The following LHFPL2 variants were observed in gnomAD, a reference collection of about 807,000 sequenced individuals.
LHFPL2 encodes the protein LHFPL tetraspan subfamily member 2 protein.
A neutral mutation model predicts 17.5 loss-of-function variants in LHFPL2; 7 were observed. The ratio of observed to expected loss-of-function variants is 0.40; its 90% CI spans 0.23 to 0.75. The LOEUF (loss-of-function observed/expected upper bound fraction) is 0.75. Ranked by LOEUF, LHFPL2 falls within the 30% of genes least tolerant of loss-of-function variation. LHFPL2 has a pLI of 0.37. For missense variants in LHFPL2, 241 were observed against 294.8 expected (o/e 0.82, Z 1.34); for synonymous variants, 134 against 116.2 (o/e 1.15, Z -0.99).
intron 3 of LHFPL2, among the ~76,000 whole-genome samples, chr5:78,532,985 G>C (rs796251729): frequency 3.9e-5 from 6 of 152,334 alleles, no homozygotes; most frequent in African/African-American, 1.4e-4. Flanking sequence ...TCGTGCTGCA[G>C]ACTGGGCGGT....
intron 2 of LHFPL2, among the ~76,000 whole-genome samples, chr5:78,608,329 T>C (rs181698094): frequency 2.0e-5 from 3 of 152,374 alleles, no homozygotes; most frequent in Admixed American, 2.0e-4. Flanking sequence ...AAAAGCTCTC[T>C]TTAGCAAAGT....
At position 78,510,295 on chromosome 5, in the gene LHFPL2, C is replaced by A. The variant is rs933627123; in HGVS notation, c.-82G>T. The A allele has an allele frequency of 3.6e-6, 5 of 1,371,526 alleles. No homozygotes were observed. Among genetic ancestry groups the A allele is most frequent in the Non-Finnish European group, 4.9e-6 (5 of 1,021,152 alleles). 85.0% of individuals were successfully genotyped at this position (1,371,526 alleles called of 1,614,324 possible). ...AAGTCGGTGGGGAAGGAGGCTCGGG[C>A]GGCCCGGGAAGGAAGTCGCAGCTGC... On this transcript the variant is annotated 5_prime_UTR_variant, in exon 4 of 5. Coordinates refer to ENST00000380345, the MANE Select transcript of LHFPL2 (RefSeq NM_005779.3).
chr5:78,554,948 A>C (rs1016354903), intron 3 of LHFPL2, among the ~76,000 whole-genome samples: 11 of 152,228 alleles, frequency 7.2e-5, no homozygotes, highest in Admixed American at 4.6e-4. Flanking sequence ...AAGTCTTTGA[A>C]TCCTTAGGAG....
At chr5:78,597,171 G>A (rs192656693) in intron 2 of LHFPL2, among the ~76,000 whole-genome samples, 36 of 152,280 alleles carry the variant, frequency 2.4e-4, no homozygotes, top group African/African-American at 8.7e-4. Flanking sequence ...AACAGCCCAC[G>A]AGCGAGGCGC....
intron 2 of LHFPL2, among the ~76,000 whole-genome samples, chr5:78,600,364 A>G (rs774451748): frequency 8.6e-5 from 13 of 152,012 alleles, no homozygotes; most frequent in Non-Finnish European, 1.8e-4. Flanking sequence ...ATTAAAAAAA[A>G]AATTAAAATT....
At position 78,585,259 on chromosome 5, in the gene LHFPL2, G is replaced by A. The variant is rs1490031016; in HGVS notation, c.-244-20388C>T. ...CCTGACCTCGTGATCCGCCCGCCTCGGCCTCCCAAAGTGCTGGGATTACAG... is the reference window on the plus strand; with the variant it reads ...CCTGACCTCGTGATCCGCCCGCCTCAGCCTCCCAAAGTGCTGGGATTACAG... On this transcript the variant is annotated intron_variant, in intron 2 of 4. Coordinates refer to ENST00000380345, the MANE Select transcript of LHFPL2 (RefSeq NM_005779.3). Among the ~76,000 whole-genome samples, 14 of 97,134 alleles carry A rather than the reference G, an allele frequency of 1.4e-4. 3 individuals are homozygous for A. Among genetic ancestry groups the A allele is most frequent in the South Asian group, 3.0e-4 (1 of 3,332 alleles). The allele number at this position is 97,134 out of a possible 152,430, so 63.7% of individuals were successfully genotyped here.
chr5:78,510,429 C>T lies in LHFPL2; in HGVS notation c.-185-31G>A, dbSNP rs1440248845. On this transcript the variant is annotated intron_variant, in intron 3 of 4. Coordinates refer to ENST00000380345, the MANE Select transcript of LHFPL2 (RefSeq NM_005779.3). ...GGAGAGGGAGGGCGGTTAGCAGCGC[C>T]GCCAGGCCCCGCCCCGCCTTCCCGC... The T allele has an allele frequency of 3.2e-5, 16 of 505,920 alleles. No individual in the cohort carries two copies. In the East Asian group the frequency reaches 4.2e-4, roughly 13 times the overall value. 31.3% of individuals were successfully genotyped at this position (505,920 alleles called of 1,614,324 possible).
chr5:78,495,953 A>G (rs2112295996), intron 4 of LHFPL2, among the ~76,000 whole-genome samples: 1 of 152,250 alleles, frequency 6.6e-6, no homozygotes, highest in Admixed American at 6.5e-5. Context: ...CCTGTTATTC[A>G]CAGTGACCCC....
At chr5:78,557,932 G>A (rs947712866) in intron 3 of LHFPL2, among the ~76,000 whole-genome samples, 1 of 152,168 alleles carries the variant, frequency 6.6e-6, no homozygotes, top group Non-Finnish European at 1.5e-5. Context: ...CAGCATCAGA[G>A]CATGAAAGAA....
chr5:78,496,728 G>C (rs1005669772), intron 4 of LHFPL2, among the ~76,000 whole-genome samples: 1 of 151,800 alleles, frequency 6.6e-6, no homozygotes, highest in African/African-American at 2.4e-5. Context: ...AACTCTGACA[G>C]GACAGTTATT....
intron 3 of LHFPL2, among the ~76,000 whole-genome samples, chr5:78,555,004 T>A (rs1756535652): frequency 6.6e-6 from 1 of 152,222 alleles, no homozygotes; most frequent in African/African-American, 2.4e-5. Flanking sequence ...TTTACTCCCT[T>A]AAAGAATCTT....
At chr5:78,528,464 CT>C (rs1186023376) in intron 3 of LHFPL2, among the ~76,000 whole-genome samples, 3 of 152,232 alleles carry the variant, frequency 2.0e-5, no homozygotes, top group African/African-American at 7.2e-5. Context: ...ACCTGATGAT[CT>C]GAGATAGTTT....
At chr5:78,596,231 AG>A (rs1580843792) in intron 2 of LHFPL2, among the ~76,000 whole-genome samples, 1 of 152,220 alleles carries the variant, frequency 6.6e-6, no homozygotes, top group South Asian at 2.1e-4. Flanking sequence ...TGAATTGAAA[AG>A]ATATACAGTT....
chr5:78,490,035 G>A (rs1035950), intron 4 of LHFPL2, among the ~76,000 whole-genome samples: 124,848 of 152,208 alleles, frequency 0.82, 51,879 homozygotes, highest in East Asian at 0.92. Flanking sequence ...TAAGCCAGAT[G>A]TTTCTGTATT....
chr5:78,618,716 C>T (rs561363611), intron 2 of LHFPL2, among the ~76,000 whole-genome samples: 1 of 152,318 alleles, frequency 6.6e-6, no homozygotes, highest in South Asian at 2.1e-4. Flanking sequence ...GACAAGTCCA[C>T]CCAGATTCAA....
chr5:78,490,331 G>C (rs1214485990), intron 4 of LHFPL2, among the ~76,000 whole-genome samples: 2 of 152,154 alleles, frequency 1.3e-5, no homozygotes, highest in Admixed American at 1.3e-4. Context: ...CCTGCAGTGG[G>C]TGCCTCACCC....
At chr5:78,645,607 GC>G (rs1368840983) in intron 1 of LHFPL2, among the ~76,000 whole-genome samples, 1 of 149,492 alleles carries the variant, frequency 6.7e-6, no homozygotes, top group Admixed American at 6.7e-5. Flanking sequence ...TTTTGAGATA[GC>G]GTCTTGCTCT....
chr5:78,608,170 C>T (rs1395841433), intron 2 of LHFPL2, among the ~76,000 whole-genome samples: 3 of 152,184 alleles, frequency 2.0e-5, no homozygotes, highest in Non-Finnish European at 4.4e-5. Context: ...GCAGAGAAAA[C>T]ATTCTAAAAG....
chr5:78,504,452 T>C (rs1420049910), intron 4 of LHFPL2, among the ~76,000 whole-genome samples: 1 of 152,156 alleles, frequency 6.6e-6, no homozygotes, highest in African/African-American at 2.4e-5. Context: ...TGAGAGTGAA[T>C]GAGTAGGGCA....
Sources: allele counts gnomAD v4.1 joint callset (sites outside exome capture counted in the v4.1 genomes callset), GRCh38; gene constraint gnomAD v4.1.1; transcripts MANE v1.5; gene names NCBI Gene and HGNC (gene_info 2026-07-23, HGNC 2026-07-21).